Variants in TRABD2B observed in about 807,000 individuals in gnomAD.
The protein encoded by TRABD2B is TraB domain containing 2B.
In TRABD2B, 14 loss-of-function variants were observed where a neutral mutation model predicts 40.1. The observed-to-expected ratio is 0.35, with a 90% confidence interval of 0.23 to 0.55. TRABD2B has a LOEUF of 0.55. Ranked by LOEUF, TRABD2B falls within the 20% of genes least tolerant of loss-of-function variation. The pLI, the probability that TRABD2B is intolerant of heterozygous loss-of-function variation, is 0.90. For missense variants in TRABD2B, 541 were observed against 648.6 expected (o/e 0.83, Z 1.80); for synonymous variants, 263 against 277.0 (o/e 0.95, Z 0.50).
At chr1:47,908,892 C>G (rs1463302747) in intron 2 of TRABD2B, among the ~76,000 whole-genome samples, 1 of 152,236 alleles carries the variant, frequency 6.6e-6, no homozygotes, top group Non-Finnish European at 1.5e-5. Context: ...CTGCAGCTCC[C>G]CGAAGACATA....
chr1:47,831,416 G>A (rs896311188), intron 2 of TRABD2B, among the ~76,000 whole-genome samples: 2 of 152,138 alleles, frequency 1.3e-5, no homozygotes, highest in Non-Finnish European at 1.5e-5. Flanking sequence ...TTGCTGCTGC[G>A]GGCGCAGTGT....
intron 2 of TRABD2B, among the ~76,000 whole-genome samples, chr1:47,972,755 A>G (rs538078880): frequency 1.4e-4 from 21 of 152,282 alleles, no homozygotes; most frequent in African/African-American, 5.1e-4. Flanking sequence ...GTCAAAGTCC[A>G]TAAATTTACC....
At chr1:47,937,541 A>G (rs998880117) in intron 2 of TRABD2B, among the ~76,000 whole-genome samples, 30 of 152,186 alleles carry the variant, frequency 2.0e-4, no homozygotes, top group Non-Finnish European at 1.8e-4. Context: ...CAAATGAGAA[A>G]ACTGAGGCCC....
rs758391805 is a variant in TRABD2B, at chr1:47,934,997, T to TGGG, written c.666+59036_666+59037insCCC. Among the ~76,000 whole-genome samples, 480 of 152,300 alleles carry TGGG rather than the reference T, an allele frequency of 3.2e-3. 2 individuals are homozygous for TGGG. The highest frequency in any genetic ancestry group is 4.6e-3 in the Non-Finnish European group (313 of 68,022). On this transcript the variant is annotated intron_variant, in intron 2 of 6. Transcript: ENST00000606738. ...TCCAACCCTGCTAATGCCCTCTCTTTATCCACCTGGAAAATTCCTACTCAT... is the reference window on the plus strand; with the variant it reads ...TCCAACCCTGCTAATGCCCTCTCTTTGGGATCCACCTGGAAAATTCCTACTCAT...
At chr1:47,776,039 A>C (rs1241170923) in intron 5 of TRABD2B, among the ~76,000 whole-genome samples, 2 of 152,100 alleles carry the variant, frequency 1.3e-5, no homozygotes, top group Admixed American at 6.5e-5. Flanking sequence ...CTACGCTGTG[A>C]AATGGGGGTG....
chr1:47,820,704 C>T (rs1195024454), intron 2 of TRABD2B, among the ~76,000 whole-genome samples: 3 of 151,760 alleles, frequency 2.0e-5, no homozygotes, highest in Middle Eastern at 3.4e-3. Context: ...GTCTCATGTC[C>T]GTCCTCCATC....
intron 2 of TRABD2B, among the ~76,000 whole-genome samples, chr1:47,834,762 A>G (rs992427522): frequency 3.9e-5 from 6 of 152,242 alleles, no homozygotes; most frequent in African/African-American, 1.4e-4. Context: ...AAATAGTGAC[A>G]ACAAACAGCA....
At chr1:47,769,993 A>G (rs1361088711) in intron 6 of TRABD2B, among the ~76,000 whole-genome samples, 1 of 124,984 alleles carries the variant, frequency 8.0e-6, no homozygotes, top group African/African-American at 2.9e-5. Context: ...AGACACTGTC[A>G]GCTGTCTGAC....
chr1:47,956,928 T>C (rs550493661), intron 2 of TRABD2B, among the ~76,000 whole-genome samples: 1 of 152,326 alleles, frequency 6.6e-6, no homozygotes, highest in East Asian at 1.9e-4. Context: ...CCCTGACCCA[T>C]GAGTAGCCTA....
rs117545860 is a variant in TRABD2B at position 47,957,051 on chromosome 1, A to T, written c.666+36983T>A. Among the ~76,000 whole-genome samples, 73 of 152,332 alleles carry T rather than the reference A, an allele frequency of 4.8e-4. No homozygotes were observed. In the East Asian group the frequency reaches 0.012, roughly 25 times the overall value. ...GCGGCAACATTTGCCATTCTGCAAG[A>T]TATGCTGTTCTGTAGCCTCTGCTGG... On this transcript the variant is annotated intron_variant, in intron 2 of 6. Transcript: ENST00000606738.
chr1:47,820,422 G>A (rs1040905000), intron 2 of TRABD2B, among the ~76,000 whole-genome samples: 1 of 152,212 alleles, frequency 6.6e-6, no homozygotes, highest in African/African-American at 2.4e-5. Context: ...GCAGGGGCCT[G>A]TCCAAGGTCA....
chr1:47,988,429 A>C (rs1645952319), intron 2 of TRABD2B, among the ~76,000 whole-genome samples: 1 of 152,198 alleles, frequency 6.6e-6, no homozygotes, highest in Non-Finnish European at 1.5e-5. Flanking sequence ...TCACTGGCAC[A>C]ACACAGTGAG....
intron 2 of TRABD2B, among the ~76,000 whole-genome samples, chr1:47,880,041 G>A (rs980613956): frequency 6.6e-6 from 1 of 152,236 alleles, no homozygotes; most frequent in South Asian, 2.1e-4. Context: ...CAGGAGCAGC[G>A]GCTCACGCCT....
At chr1:47,851,391 C>G (rs1033480113) in intron 2 of TRABD2B, among the ~76,000 whole-genome samples, 1 of 152,106 alleles carries the variant, frequency 6.6e-6, no homozygotes, top group African/African-American at 2.4e-5. Context: ...ACTATGTCCC[C>G]CAACCTAAGG....
chr1:47,976,968 A>T (rs547861806), intron 2 of TRABD2B, among the ~76,000 whole-genome samples: 1 of 152,290 alleles, frequency 6.6e-6, no homozygotes, highest in East Asian at 1.9e-4. Context: ...GGTTGATAAC[A>T]ATCCACTGAT....
At chr1:47,932,705 T>C (rs1172962749) in intron 2 of TRABD2B, among the ~76,000 whole-genome samples, 1 of 152,188 alleles carries the variant, frequency 6.6e-6, no homozygotes, top group Non-Finnish European at 1.5e-5. Flanking sequence ...GGCAGAGCCT[T>C]GGGTTCTCAA....
intron 2 of TRABD2B, among the ~76,000 whole-genome samples, chr1:47,935,493 C>A (rs1200201931): frequency 2.0e-5 from 3 of 152,164 alleles, no homozygotes; most frequent in Non-Finnish European, 4.4e-5. Flanking sequence ...AGGAAATGAC[C>A]ACTGAGCAAA....
At chr1:47,898,645 T>C (rs1207430557) in intron 2 of TRABD2B, among the ~76,000 whole-genome samples, 1 of 152,214 alleles carries the variant, frequency 6.6e-6, no homozygotes, top group Non-Finnish European at 1.5e-5. Flanking sequence ...TTTGGTAACT[T>C]GACCTGAACT....
intron 3 of TRABD2B, among the ~76,000 whole-genome samples, chr1:47,797,714 G>C (rs1295402412): frequency 6.6e-6 from 1 of 152,182 alleles, no homozygotes; most frequent in African/African-American, 2.4e-5. Context: ...CCAAGGATGA[G>C]TTCTGGGTTT....
Sources: allele counts gnomAD v4.1 joint callset (sites outside exome capture counted in the v4.1 genomes callset), GRCh38; gene constraint gnomAD v4.1.1; transcripts MANE v1.5; gene names NCBI Gene and HGNC (gene_info 2026-07-23, HGNC 2026-07-21).